The following USP42 variants were observed in gnomAD, a reference collection of about 807,000 sequenced individuals.
The protein encoded by USP42 is ubiquitin specific peptidase 42, also known as ubiquitin carboxyl-terminal hydrolase 42.
USP42 carries 23 observed loss-of-function variants against 113.0 expected under a neutral mutation model. The ratio of observed to expected loss-of-function variants is 0.20; its 90% confidence interval spans 0.15 to 0.29. The LOEUF is 0.29. USP42 is among the 10% of genes least tolerant of loss of function. The pLI is 1.00. For missense variants in USP42, 2,174 were observed against 1,779.8 expected, an observed-to-expected ratio of 1.22 and a Z score of -3.99; for synonymous variants, 933 against 699.0, an observed-to-expected ratio of 1.33 and a Z score of -5.28.
At chr7:6,140,767 A>G (rs1454561026) in intron 6 of USP42, 147 bp from the exon 7 acceptor site, 1 of 573,298 alleles carries the variant, frequency 1.7e-6, no homozygotes, top group South Asian at 2.1e-5. Flanking sequence ...TATGAGTAGT[A>G]TTAATTTAAA....
rs1026990657 is a variant in USP42 at position 6,153,790 on chromosome 7, C to T, written c.2236C>T (p.Arg746Cys). Residue 746 changes from arginine (R) to cysteine (C), a missense_variant, in exon 15 of 18, where the codon CGC becomes TGC. By Grantham distance (180) the Arg-to-Cys change is radical. Transcript: ENST00000306177. The stretch of plus-strand genomic sequence containing the variant: ...AGCAGAGAGGGGCCCTCCCGAGGAC[C>T]GCGACGCCGAGCCTCAGCCTGGCAG... ...PGAERGPPED[R>C]DAEPQPGSPA... 3.3e-6 allele frequency: 5 copies of T among 1,502,068 alleles called. No homozygotes were observed. Among genetic ancestry groups the T allele is most frequent in the South Asian group, 1.3e-5 (1 of 78,334 alleles). 93.0% of individuals were successfully genotyped at this position (1,502,068 alleles called of 1,614,324 possible). A position where few individuals can be genotyped will look rare whatever the true frequency, so the allele number is the denominator to read the frequency against.
chr7:6,144,050 C>T (rs745576966), intron 8 of USP42, 35 bp from the exon 9 acceptor site: 11 of 1,336,002 alleles, frequency 8.2e-6, no homozygotes, highest in East Asian at 5.3e-5. Context: ...TGTATATATT[C>T]GTCTTCTTAT....
At chr7:6,146,709 A>C (rs1444941947) in intron 11 of USP42, among the ~76,000 whole-genome samples, 1 of 152,282 alleles carries the variant, frequency 6.6e-6, no homozygotes, top group South Asian at 2.1e-4. Flanking sequence ...CTGGAGAGTA[A>C]GAAAGGTAGT....
chr7:6,155,017 GA>G lies in USP42; in HGVS notation c.3467del (p.Asn1156MetfsTer32). 1 of 1,564,948 alleles carries G rather than the reference GA, an allele frequency of 6.4e-7. No homozygotes were observed. The highest frequency in any genetic ancestry group is 8.7e-7 in the Non-Finnish European group (1 of 1,154,492). On this transcript the variant is annotated frameshift_variant, in exon 15 of 18. Coordinates refer to ENST00000306177, the MANE Select transcript of USP42 (RefSeq NM_032172.3). LOFTEE classifies it high-confidence loss of function. The part of the protein sequence containing the change: ...CNLSDRFHEH[E>X]NGKSRKRRHD... ...CCTCTCTGATCGGTTTCACGAACAC[GA>G]AAATGGAAAGTCCCGGAAACGGAGA...
chr7:6,086,064 A>C, the USP42 span, among the ~76,000 whole-genome samples: 1 of 149,392 alleles, frequency 6.7e-6, no homozygotes, highest in Non-Finnish European at 1.5e-5. Context: ...TTGAGACAGA[A>C]TCTGACTCTC....
chr7:6,152,867 C>A (rs10242304), intron 14 of USP42: 2 of 925,656 alleles, frequency 2.2e-6, no homozygotes, highest in South Asian at 5.0e-5. Context: ...GGAGGTGGCC[C>A]CTCTACCTTT....
chr7:6,114,097 A>C (rs1027583118), intron 2 of USP42, among the ~76,000 whole-genome samples: 6 of 152,190 alleles, frequency 3.9e-5, no homozygotes, highest in Admixed American at 3.3e-4. Flanking sequence ...TTTAGGTCAT[A>C]GGTAGTCTCC....
intron 3 of USP42, among the ~76,000 whole-genome samples, chr7:6,123,286 G>A (rs539983138): frequency 6.6e-6 from 1 of 152,338 alleles, no homozygotes; most frequent in African/African-American, 2.4e-5. Context: ...CACTTTGGGA[G>A]GCTGAGGCAG....
Position 6,139,181 on chromosome 7 carries a change from A to C in USP42, c.643A>C (p.Asn215His). 6.2e-7 allele frequency: 1 copy of C among 1,603,568 alleles called. No homozygotes were observed. The highest frequency in any genetic ancestry group is 8.5e-7 in the Non-Finnish European group (1 of 1,175,042). The change falls in exon 5 of 18, where the codon AAT becomes CAT. Residue 215 changes from asparagine to histidine, a missense_variant. Transcript: ENST00000306177. The surrounding 1 kb of genome is among the most constrained non-coding windows in gnomAD (Gnocchi z 4.5). The part of the protein sequence containing the change: ...TVDAMQKACL[N>H]GSNKLDRHTQ... ...TGATGCTATGCAGAAAGCATGCTTG[A>C]ATGGCAGCAATAAGTAAGTACAACA...
intron 3 of USP42, 122 bp from the exon 4 acceptor site, chr7:6,135,719 T>A: frequency 9.5e-6 from 3 of 316,198 alleles, no homozygotes; most frequent in South Asian, 8.9e-5. Context: ...AGTAGATAGC[T>A]CAAGGCATGC....
rs769153932 is a variant in USP42 at position 6,153,929 on chromosome 7, A to T, written c.2375A>T (p.Glu792Val). The change falls in exon 15 of 18, where the codon GAG (glutamate) becomes GTG (valine). Residue 792 changes from glutamate to valine, a missense_variant. Transcript: ENST00000306177. ...CCCGCTACCAAAGAAGGCGCCTGGG[A>T]GGCCATGGCCGTCGCCCCCGAGGAG... is the stretch of plus-strand genomic sequence containing the variant. ...GTPATKEGAW[E>V]AMAVAPEEPP... is the part of the protein sequence containing the mutation. 1 of 1,599,940 alleles carries T rather than the reference A, an allele frequency of 6.3e-7. No homozygotes were observed. Among genetic ancestry groups the T allele is most frequent in the Admixed American group, 1.7e-5 (1 of 58,538 alleles).
intron 3 of USP42, among the ~76,000 whole-genome samples, chr7:6,123,419 T>A (rs62454268): frequency 2.0e-5 from 3 of 152,040 alleles, no homozygotes; most frequent in Admixed American, 2.0e-4. Flanking sequence ...ATCCCAGCAC[T>A]TTGGGAGGCC....
At chr7:6,107,750 C>T (rs1332614002) in intron 1 of USP42, among the ~76,000 whole-genome samples, 1 of 152,022 alleles carries the variant, frequency 6.6e-6, no homozygotes, top group Non-Finnish European at 1.5e-5. Context: ...TCTGTCCCCA[C>T]ACTGTTTCAT....
intron 3 of USP42, among the ~76,000 whole-genome samples, chr7:6,117,656 A>G (rs1256484445): frequency 6.6e-6 from 1 of 152,186 alleles, no homozygotes; most frequent in Non-Finnish European, 1.5e-5. Flanking sequence ...TTATAGTCCC[A>G]CCACTGGTGA....
the USP42 span, chr7:6,088,805 C>A: frequency 6.6e-6 from 1 of 151,052 alleles, no homozygotes; most frequent in Non-Finnish European, 1.5e-5. Context: ...CTGCTTGAAG[C>A]CTGAAGTGTT....
intron 1 of USP42, among the ~76,000 whole-genome samples, chr7:6,109,430 T>C (rs546634662): frequency 4.1e-4 from 63 of 152,306 alleles, no homozygotes; most frequent in African/African-American, 1.4e-3. Context: ...AGAGTCTCTC[T>C]ATGTCAGTCT....
At chr7:6,086,276 G>A in the USP42 span, among the ~76,000 whole-genome samples, 2 of 145,932 alleles carry the variant, frequency 1.4e-5, no homozygotes, top group African/African-American at 5.3e-5. Context: ...CGCGATCTCA[G>A]TTCACTGCAA....
At chr7:6,115,246 T>G in intron 2 of USP42, 77 bp from the exon 3 acceptor site, 2 of 1,430,032 alleles carry the variant, frequency 1.4e-6, no homozygotes, top group Non-Finnish European at 1.9e-6. Flanking sequence ...AAGATTGAGG[T>G]TTGACCAGGT....
chr7:6,121,779 C>G (rs1170325459), intron 3 of USP42, among the ~76,000 whole-genome samples: 2 of 152,184 alleles, frequency 1.3e-5, no homozygotes, highest in African/African-American at 4.8e-5. Flanking sequence ...GTGCTCCCAC[C>G]TCAGCTTCCT....
Sources: gnomAD v4.1 joint callset for allele counts (sites outside exome capture counted in the v4.1 genomes callset) on GRCh38, gnomAD v4.1.1 for gene constraint, Gnocchi (gnomAD v3.1) non-coding constraint, MANE v1.5 for transcripts, NCBI Gene and HGNC (gene_info 2026-07-23, HGNC 2026-07-21) for gene names.